GGT1: variants seen among roughly 807,000 people sequenced by gnomAD.
GGT1 encodes the protein glutathione hydrolase 1 proenzyme.
In GGT1, 21 loss-of-function variants were observed where a neutral mutation model predicts 56.0. The observed-to-expected ratio is 0.38, with a 90% CI of 0.27 to 0.54. The LOEUF (loss-of-function observed/expected upper bound fraction) is 0.54. Ranked by LOEUF, GGT1 falls within the 20% of genes least tolerant of loss-of-function variation. The pLI is 0.82. For missense variants in GGT1, 466 were observed against 787.0 expected (o/e 0.59, Z 4.88); for synonymous variants, 238 against 342.6 (o/e 0.69, Z 3.37).
upstream of GGT1, among the ~76,000 whole-genome samples, chr22:24,599,582 T>G (rs1488718395): frequency 1.3e-5 from 2 of 151,282 alleles, no homozygotes; most frequent in African/African-American, 2.4e-5. Flanking sequence ...GTGAGGCTGG[T>G]AGTGGGTTAT....
the GGT1 span, chr22:24,588,365 C>A: frequency 6.6e-7 from 1 of 1,514,616 alleles, no homozygotes; most frequent in African/African-American, 1.4e-5. Flanking sequence ...TGAATCTGAG[C>A]CCCTCCTGCC....
chr22:24,625,458 G>A (rs1325629816), intron 11 of GGT1, among the ~76,000 whole-genome samples: 2 of 152,014 alleles, frequency 1.3e-5, no homozygotes, highest in African/African-American at 4.8e-5. Context: ...ATTTTTTTTA[G>A]AGACAGGGTC....
chr22:24,612,940 C>T (rs1414294205), intron 5 of GGT1, among the ~76,000 whole-genome samples: 1 of 152,214 alleles, frequency 6.6e-6, no homozygotes, highest in East Asian at 1.9e-4. Flanking sequence ...ATCTTCCCGC[C>T]TCAGCTTCCT....
chr22:24,605,144 A>AT lies in GGT1; in HGVS notation c.-429+1618dup, dbSNP rs2045993521. Among the ~76,000 whole-genome samples, 2 of 74,186 alleles carry AT rather than the reference A, an allele frequency of 2.7e-5. 1 individual carries two copies. The highest frequency in any genetic ancestry group is 1.5e-4 in the African/African-American group (2 of 13,026). The allele number at this position is 74,186 out of a possible 152,430, so 48.7% of individuals were successfully genotyped here. ...TAATATGTAATATATTATATAATAT[A>AT]TAATATGTATTATATTATATATTAT... On this transcript the variant is annotated intron_variant, in intron 1 of 15. Transcript: ENST00000400382.
At chr22:24,605,449 G>A (rs193115664) in intron 1 of GGT1, among the ~76,000 whole-genome samples, 1,675 of 30,384 alleles carry the variant, frequency 0.055, 274 homozygotes, top group African/African-American at 0.23. Flanking sequence ...AATATATAAT[G>A]TGTATTATAT....
upstream of GGT1, chr22:24,592,162 T>TG (rs1266240424): frequency 5.1e-6 from 2 of 392,460 alleles, no homozygotes; most frequent in African/African-American, 2.1e-5. Context: ...CCCAGGTGAT[T>TG]GGGGGGACCA....
intron 1 of GGT1, among the ~76,000 whole-genome samples, chr22:24,597,152 T>G (rs574732164): frequency 2.0e-5 from 3 of 151,832 alleles, no homozygotes; most frequent in Non-Finnish European, 4.4e-5. Context: ...CCAGCTAATT[T>G]TTGTATTTTT....
chr22:24,588,250 T>C, the GGT1 span: 2 of 1,613,526 alleles, frequency 1.2e-6, no homozygotes, highest in Admixed American at 1.7e-5. Flanking sequence ...GCTGGACCCT[T>C]GCTGCTGCTT....
chr22:24,614,490 C>T (rs946731934), intron 5 of GGT1, among the ~76,000 whole-genome samples: 14 of 150,658 alleles, frequency 9.3e-5, no homozygotes, highest in Middle Eastern at 3.5e-3. Flanking sequence ...GTGGCATGCA[C>T]CTGTAGTCCC....
At chr22:24,621,974 T>TG (rs1225780939) in intron 9 of GGT1, among the ~76,000 whole-genome samples, 2 of 146,810 alleles carry the variant, frequency 1.4e-5, no homozygotes, top group Non-Finnish European at 3.0e-5. Context: ...CGCTAGAACC[T>TG]GGGGGGCTGA....
chr22:24,596,750 A>C lies in GGT1; in HGVS notation c.-324+1864A>C, dbSNP rs958645056. Among the ~76,000 whole-genome samples the C allele has an allele frequency of 2.7e-4, 40 of 150,048 alleles. 1 individual carries two copies. The highest frequency in any genetic ancestry group is 1.2e-4 in the Non-Finnish European group (8 of 67,434). On this transcript the variant is annotated intron_variant, in intron 1 of 6. Transcript: ENST00000411974. Reference sequence around the variant, plus strand: ...CTGTCTCTACTAAAATACAAAAAAAAAAAAAAAAAAAAATTAGCCTGGTGT... The same window carrying C: ...CTGTCTCTACTAAAATACAAAAAAACAAAAAAAAAAAAATTAGCCTGGTGT...
upstream of GGT1, among the ~76,000 whole-genome samples, chr22:24,591,987 G>T (rs890552899): frequency 6.6e-6 from 1 of 152,230 alleles, no homozygotes; most frequent in African/African-American, 2.4e-5. Flanking sequence ...TTTTCTCTGT[G>T]GGCCCTGGGG....
At chr22:24,593,036 C>A, upstream of GGT1, 3 of 1,048,608 alleles carry the variant, frequency 2.9e-6, no homozygotes, top group Non-Finnish European at 3.4e-6. Flanking sequence ...AGCCGCGCCC[C>A]CATGGCCGCC....
chr22:24,611,570 CTA>C (rs2046684721), intron 5 of GGT1, among the ~76,000 whole-genome samples: 3 of 151,426 alleles, frequency 2.0e-5, no homozygotes, highest in African/African-American at 7.3e-5. Flanking sequence ...ATCTATCTAT[CTA>C]TCTATCTATC....
chr22:24,615,241 C>A, intron 7 of GGT1, 114 bp downstream of exon 7: 4 of 695,096 alleles, frequency 5.8e-6, no homozygotes, highest in Non-Finnish European at 1.0e-5. Flanking sequence ...TCTGTCACCC[C>A]CCATCCCTTC....
chr22:24,584,355 T>C, the GGT1 span, among the ~76,000 whole-genome samples: 1 of 152,074 alleles, frequency 6.6e-6, no homozygotes, highest in Non-Finnish European at 1.5e-5. Context: ...AACTGTGAGA[T>C]CTCCAATCTC....
At chr22:24,584,066 TC>T in the GGT1 span, among the ~76,000 whole-genome samples, 372 of 152,344 alleles carry the variant, frequency 2.4e-3, 1 homozygote, top group Non-Finnish European at 4.2e-3. Context: ...TTTCTCATAA[TC>T]CTCTCTGCTG....
chr22:24,586,285 C>T, the GGT1 span: 929 of 1,613,966 alleles, frequency 5.8e-4, 8 homozygotes, highest in African/African-American at 3.7e-3. Flanking sequence ...GGTCCAGCAC[C>T]GCCAGCACAG....
chr22:24,620,844 A>T lies in GGT1; in HGVS notation c.576-69A>T. The T allele has an allele frequency of 6.3e-7, 1 of 1,587,188 alleles. No individual in the cohort carries two copies. The highest frequency in any genetic ancestry group is 8.6e-7 in the Non-Finnish European group (1 of 1,166,224). On this transcript the variant is annotated intron_variant, in intron 8 of 15. Coordinates refer to ENST00000400382, the MANE Select transcript of GGT1 (RefSeq NM_001288833.2). The surrounding 1 kb of genome is among the most constrained non-coding windows in gnomAD (Gnocchi z 5.6). ...TGTTCTGCTCCGTTCTCCTGTGTGG[A>T]CGGGTGTGAGGGGTGGTCTAGCTGA... is the stretch of plus-strand genomic sequence containing the variant.
Sources: allele counts gnomAD v4.1 joint callset (sites outside exome capture counted in the v4.1 genomes callset), GRCh38; gene constraint gnomAD v4.1.1; non-coding constraint Gnocchi (gnomAD v3.1); transcripts MANE v1.5; gene names NCBI Gene and HGNC (gene_info 2026-07-23, HGNC 2026-07-21).